SUMO2: variants seen among roughly 807,000 people sequenced by gnomAD.
SUMO2 encodes small ubiquitin like modifier 2, also known as small ubiquitin-related modifier 2.
Under a neutral mutation model 16.0 loss-of-function variants are expected in SUMO2, and 1 was observed. The ratio of observed to expected loss-of-function variants is 0.06; its 90% CI spans 0.02 to 0.30. The LOEUF (loss-of-function observed/expected upper bound fraction) is 0.30. Among genes scored for constraint, SUMO2 ranks in the 10% least tolerant of loss-of-function variants. The pLI, the probability that SUMO2 is intolerant of heterozygous loss-of-function variation, is 1.00. For missense variants in SUMO2, 16 were observed against 117.5 expected (o/e 0.14, Z 3.99); for synonymous variants, 36 against 40.6 (o/e 0.89, Z 0.43).
chr17:75,167,842 C>G lies in SUMO2; in HGVS notation c.*497G>C, dbSNP rs866174387. The G allele has an allele frequency of 6.1e-6, 1 of 163,272 alleles. No individual in the cohort carries two copies. Among genetic ancestry groups the G allele is most frequent in the Non-Finnish European group, 1.5e-5 (1 of 68,110 alleles). 10.1% of individuals were successfully genotyped at this position (163,272 alleles called of 1,614,324 possible). A position where few individuals can be genotyped will look rare whatever the true frequency, so the allele number is the denominator to read the frequency against. ...TTATCCCTACTTAAAGACAGATTGC[C>G]CTACATGTAACAGCTACGTACAAAA... On this transcript the variant is annotated 3_prime_UTR_variant, in exon 4 of 4. Transcript: ENST00000420826.
chr17:75,182,813 C>A lies in SUMO2; in HGVS notation c.21+1G>T. 1 of 1,407,044 alleles carries A rather than the reference C, an allele frequency of 7.1e-7. No individual in the cohort carries two copies. Among genetic ancestry groups the A allele is most frequent in the East Asian group, 2.8e-5 (1 of 35,232 alleles). The allele number at this position is 1,407,044 out of a possible 1,614,324, so 87.2% of individuals were successfully genotyped here. A position where few individuals can be genotyped will look rare whatever the true frequency, so the allele number is the denominator to read the frequency against. On this transcript the variant is annotated splice_donor_variant, in intron 1 of 3. Transcript: ENST00000420826. LOFTEE classifies it high-confidence loss of function. The stretch of plus-strand genomic sequence containing the variant: ...GGCGAAGGGGCCGGCGGCGAGCTCA[C>A]CTTGGGCTTTTCGTCGGCCATGGCG...
chr17:75,171,069 TAAA>T (rs1555654517), intron 3 of SUMO2, among the ~76,000 whole-genome samples: 3 of 141,526 alleles, frequency 2.1e-5, no homozygotes, highest in Non-Finnish European at 1.6e-5. Flanking sequence ...AAGGGGCAGT[TAAA>T]AAAAAAAAAA....
At chr17:75,178,463 G>A (rs573506792) in intron 2 of SUMO2, among the ~76,000 whole-genome samples, 5 of 146,978 alleles carry the variant, frequency 3.4e-5, no homozygotes, top group East Asian at 4.1e-4. Flanking sequence ...GCAGTGAGCC[G>A]AGATGGTGCC....
At position 75,182,857 on chromosome 17, in the gene SUMO2, G is replaced by A; in HGVS notation, c.-23C>T. 2 of 1,397,936 alleles carry A rather than the reference G, an allele frequency of 1.4e-6. No individual in the cohort carries two copies. The highest frequency in any genetic ancestry group is 1.7e-5 in the South Asian group (1 of 59,214). The allele number at this position is 1,397,936 out of a possible 1,614,324, so 86.6% of individuals were successfully genotyped here. A position where few individuals can be genotyped will look rare whatever the true frequency, so the allele number is the denominator to read the frequency against. ...CATGGCGAGCGCCGGAGTCTCCTCAGCTGCCGCTTCACAAAAGAGGTACCA... is the reference window on the plus strand; with the variant it reads ...CATGGCGAGCGCCGGAGTCTCCTCAACTGCCGCTTCACAAAAGAGGTACCA... On this transcript the variant is annotated 5_prime_UTR_variant, in exon 1 of 4. Coordinates refer to ENST00000420826, the MANE Select transcript of SUMO2 (RefSeq NM_006937.4).
chr17:75,172,538 T>C (rs912975944), intron 3 of SUMO2, among the ~76,000 whole-genome samples: 2 of 148,856 alleles, frequency 1.3e-5, no homozygotes, highest in East Asian at 4.0e-4. Context: ...TCGAGTGCAA[T>C]GGCGTGATCT....
At chr17:75,171,690 C>T (rs541007381) in intron 3 of SUMO2, among the ~76,000 whole-genome samples, 1 of 152,026 alleles carries the variant, frequency 6.6e-6, no homozygotes, top group Non-Finnish European at 1.5e-5. Flanking sequence ...TTTTAAAATG[C>T]CTCAAGGTCA....
chr17:75,179,065 T>G (rs2074806386), intron 2 of SUMO2, among the ~76,000 whole-genome samples: 3 of 152,186 alleles, frequency 2.0e-5, no homozygotes, highest in Admixed American at 2.0e-4. Flanking sequence ...GATTTTCTAT[T>G]TTGTATGCAG....
At chr17:75,170,305 C>T (rs1233995587) in intron 3 of SUMO2, among the ~76,000 whole-genome samples, 1 of 152,172 alleles carries the variant, frequency 6.6e-6, no homozygotes, top group East Asian at 1.9e-4. Flanking sequence ...GGCGCCGGGG[C>T]TCACGCCTAT....
intron 3 of SUMO2, among the ~76,000 whole-genome samples, chr17:75,173,818 A>G (rs1311119035): frequency 3.3e-5 from 5 of 152,254 alleles, no homozygotes; most frequent in Admixed American, 2.6e-4. Flanking sequence ...GAAGTATTTA[A>G]TGGAACTTTG....
Position 75,171,039 on chromosome 17 carries a change from A to G in SUMO2, c.226-2638T>C, listed in dbSNP as rs543511982. Among the ~76,000 whole-genome samples, 23 of 151,908 alleles carry G rather than the reference A, an allele frequency of 1.5e-4. 1 individual carries two copies. Among genetic ancestry groups the G allele is most frequent in the African/African-American group, 3.6e-4 (15 of 41,492 alleles). On this transcript the variant is annotated intron_variant, in intron 3 of 3. Transcript: ENST00000420826. ...GCAGCCAACTCGGTGCACTGACTAT[A>G]TAAGTTAGCCATGCTCTGTAAGGGG...
At chr17:75,182,316 C>G (rs2074835420) in intron 1 of SUMO2, 1 of 152,528 alleles carries the variant, frequency 6.6e-6, no homozygotes, top group Non-Finnish European at 1.5e-5. Context: ...CCCATTGATT[C>G]GCCCCGAACC....
chr17:75,179,442 C>T (rs1033115330), intron 2 of SUMO2, among the ~76,000 whole-genome samples: 1 of 150,500 alleles, frequency 6.6e-6, no homozygotes, highest in Non-Finnish European at 1.5e-5. Flanking sequence ...ACAGGAGAAT[C>T]GCTTGGTCTC....
At chr17:75,181,497 T>C (rs1164900915) in intron 1 of SUMO2, among the ~76,000 whole-genome samples, 2 of 152,080 alleles carry the variant, frequency 1.3e-5, no homozygotes, top group Non-Finnish European at 2.9e-5. Context: ...TAAAATGACA[T>C]ATATCACTCC....
At position 75,181,054 on chromosome 17, in the gene SUMO2, CA is replaced by C; in HGVS notation, c.153+2del. On this transcript the variant is annotated splice_donor_variant, in intron 2 of 3. Transcript: ENST00000420826. LOFTEE classifies it high-confidence loss of function. ...AGTGGAAGTACACATATGAATTCCT[CA>C]CCTGTCGTTCACAATAGGCTTTCAT... The C allele has an allele frequency of 6.2e-7, 1 of 1,613,724 alleles. No homozygotes were observed. The highest frequency in any genetic ancestry group is 1.7e-4 in the Middle Eastern group (1 of 6,046).
intron 1 of SUMO2, among the ~76,000 whole-genome samples, chr17:75,181,525 C>A (rs1379203516): frequency 2.0e-5 from 3 of 152,174 alleles, no homozygotes; most frequent in East Asian, 3.9e-4. Context: ...CTTTACCCCC[C>A]AAAAAAGTTA....
In SUMO2 at chr17:75,168,466, G is replaced by A; in HGVS notation, c.226-65C>T. The A allele has an allele frequency of 2.1e-6, 3 of 1,414,184 alleles. No homozygotes were observed. In the South Asian group the frequency reaches 3.9e-5, roughly 18 times the overall value. 87.6% of individuals were successfully genotyped at this position (1,414,184 alleles called of 1,614,324 possible). ...AGTTCTGAAAATTAATGATTTTTGG[G>A]TTTAAGTATGCTGAAAACATGTACA... On this transcript the variant is annotated intron_variant, in intron 3 of 3. Transcript: ENST00000420826.
rs1479925997 is a variant in SUMO2, at chr17:75,182,921, G to C, written c.-87C>G. 9.8e-5 allele frequency: 114 copies of C among 1,159,968 alleles called. No homozygotes were observed. The highest frequency in any genetic ancestry group is 1.2e-4 in the Non-Finnish European group (112 of 901,816). 71.9% of individuals were successfully genotyped at this position (1,159,968 alleles called of 1,614,324 possible). A position where few individuals can be genotyped will look rare whatever the true frequency, so the allele number is the denominator to read the frequency against. Reference sequence around the variant, plus strand: ...CGAGCACACAAGCAGCACCAGGAGCGGCAGAAGAAGGAGGCGGCAGCGGTG... The same window carrying C: ...CGAGCACACAAGCAGCACCAGGAGCCGCAGAAGAAGGAGGCGGCAGCGGTG... On this transcript the variant is annotated 5_prime_UTR_variant, in exon 1 of 4. Coordinates refer to ENST00000420826, the MANE Select transcript of SUMO2 (RefSeq NM_006937.4).
In SUMO2 at chr17:75,181,256, G is replaced by C. The variant is rs2074826349; in HGVS notation, c.22-68C>G. 4 of 1,545,922 alleles carry C rather than the reference G, an allele frequency of 2.6e-6. No homozygotes were observed. In the South Asian group the frequency reaches 4.6e-5, roughly 18 times the overall value. ...AACGAACACGTTTTATAAAGCAGCA[G>C]CAGCCCTAGTTGCTTCAAAAATCAA... On this transcript the variant is annotated intron_variant, in intron 1 of 3. Transcript: ENST00000420826.
At chr17:75,171,519 A>G (rs1396576527) in intron 3 of SUMO2, among the ~76,000 whole-genome samples, 2 of 151,852 alleles carry the variant, frequency 1.3e-5, no homozygotes, top group African/African-American at 4.8e-5. Flanking sequence ...GTCTCGAAAA[A>G]TAAAAAAATA....
Sources: allele counts gnomAD v4.1 joint callset (sites outside exome capture counted in the v4.1 genomes callset), GRCh38; gene constraint gnomAD v4.1.1; transcripts MANE v1.5; gene names NCBI Gene and HGNC (gene_info 2026-07-23, HGNC 2026-07-21).